The following PRKAG2 variants were observed in gnomAD, a reference collection of about 807,000 sequenced individuals.
The protein encoded by PRKAG2 is protein kinase AMP-activated non-catalytic subunit gamma 2, also known as 5'-AMP-activated protein kinase subunit gamma-2.
PRKAG2 carries 26 observed loss-of-function variants against 69.6 expected under a neutral mutation model. The ratio of observed to expected loss-of-function variants is 0.37; its 90% confidence interval spans 0.27 to 0.52. PRKAG2 has a LOEUF of 0.52. PRKAG2 is among the 20% of genes least tolerant of loss of function. PRKAG2 has a pLI of 0.90. For synonymous variants in PRKAG2, 293 were observed against 285.0 expected, an observed-to-expected ratio of 1.03 and a Z score of -0.28; for missense variants, 557 against 740.0, an observed-to-expected ratio of 0.75 and a Z score of 2.87.
intron 3 of PRKAG2, among the ~76,000 whole-genome samples, chr7:151,753,200 G>A (rs1174852409): frequency 6.6e-6 from 1 of 152,228 alleles, no homozygotes; most frequent in Non-Finnish European, 1.5e-5. Context: ...GAAACAAAAC[G>A]CGTGGCTGGA....
intron 3 of PRKAG2, among the ~76,000 whole-genome samples, chr7:151,681,612 C>A (rs1833901173): frequency 6.6e-6 from 1 of 151,704 alleles, no homozygotes; most frequent in Non-Finnish European, 1.5e-5. Flanking sequence ...ACGATGCCAC[C>A]CTGTTTACAG....
chr7:151,558,119 A>G, intron 15 of PRKAG2: 2 of 985,354 alleles, frequency 2.0e-6, no homozygotes, highest in Non-Finnish European at 2.4e-6. Flanking sequence ...CTGCCCACAC[A>G]CTGGATGCAC....
chr7:151,558,165 C>T (rs563898943), intron 15 of PRKAG2: 1 of 985,292 alleles, frequency 1.0e-6, no homozygotes. Flanking sequence ...CTAAGTTTGA[C>T]AATGAACTGT....
chr7:151,781,558 A>G lies in PRKAG2; in HGVS notation c.187-127T>C. 1.7e-6 allele frequency: 2 copies of G among 1,194,152 alleles called. No individual in the cohort carries two copies. The highest frequency in any genetic ancestry group is 2.4e-6 in the Non-Finnish European group (2 of 845,392). 74.0% of individuals were successfully genotyped at this position (1,194,152 alleles called of 1,614,324 possible). On this transcript the variant is annotated intron_variant, in intron 2 of 15. Transcript: ENST00000287878. The surrounding 1 kb of genome is among the most constrained non-coding windows in gnomAD (Gnocchi z 6.1). ...CCCCATAGTACCCTCCCAGAGAAACAGCCCTAAGCTCTTCCACAGAGGTAG... is the reference window on the plus strand; with the variant it reads ...CCCCATAGTACCCTCCCAGAGAAACGGCCCTAAGCTCTTCCACAGAGGTAG...
Position 151,574,961 on chromosome 7 carries a change from A to C in PRKAG2, c.947-12T>G. ...AATTGTTAGCATTCCTGGAACAAAG[A>C]ATTACATGTTACAAATAAAACCATG... is the stretch of plus-strand genomic sequence containing the variant. On this transcript the variant is annotated splice_polypyrimidine_tract_variant and intron_variant, in intron 7 of 15. Transcript: ENST00000287878. 6.2e-7 allele frequency: 1 copy of C among 1,612,416 alleles called. No homozygotes were observed. Among genetic ancestry groups the C allele is most frequent in the Non-Finnish European group, 8.5e-7 (1 of 1,179,532 alleles).
At chr7:151,817,131 C>T (rs1483485619) in intron 1 of PRKAG2, among the ~76,000 whole-genome samples, 2 of 152,200 alleles carry the variant, frequency 1.3e-5, no homozygotes, top group Non-Finnish European at 2.9e-5. Flanking sequence ...CCAGAACCTC[C>T]ACTGCACTCC....
chr7:151,843,873 G>A (rs1109277), intron 1 of PRKAG2, among the ~76,000 whole-genome samples: 1 of 152,142 alleles, frequency 6.6e-6, no homozygotes, highest in African/African-American at 2.4e-5. Context: ...TGTCATGGCA[G>A]AAGGCTCCAT....
At chr7:151,624,055 G>A (rs1822209266) in intron 5 of PRKAG2, among the ~76,000 whole-genome samples, 1 of 152,014 alleles carries the variant, frequency 6.6e-6, no homozygotes, top group Admixed American at 6.6e-5. Context: ...AAATGAATCA[G>A]TTAGCATGAT....
Position 151,731,536 on chromosome 7 carries a change from G to GTGTGTGTGCA in PRKAG2, c.466+49615_466+49616insTGCACACACA, listed in dbSNP as rs58614519. Among the ~76,000 whole-genome samples, 6 of 56,834 alleles carry GTGTGTGTGCA rather than the reference G, an allele frequency of 1.1e-4. No individual in the cohort carries two copies. In the East Asian group the frequency reaches 3.3e-3, roughly 31 times the overall value. 37.3% of individuals were successfully genotyped at this position (56,834 alleles called of 152,430 possible). A position where few individuals can be genotyped will look rare whatever the true frequency, so the allele number is the denominator to read the frequency against. ...TGGGGAGAGCTCTGTGTGTGTGTGT[G>GTGTGTGTGCA]CGCACAGGTACATGACATGTGTGTG... is the stretch of plus-strand genomic sequence containing the variant. On this transcript the variant is annotated intron_variant, in intron 3 of 15. Coordinates refer to ENST00000287878, the MANE Select transcript of PRKAG2 (RefSeq NM_016203.4).
intron 4 of PRKAG2, among the ~76,000 whole-genome samples, chr7:151,641,352 A>G (rs1364636320): frequency 9.0e-5 from 13 of 144,490 alleles, no homozygotes; most frequent in South Asian, 4.3e-4. Context: ...GGTTCAAGTG[A>G]TTCCCCTGCC....
Position 151,631,922 on chromosome 7 carries a change from G to A in PRKAG2, c.754+147C>T, listed in dbSNP as rs937553947. On this transcript the variant is annotated intron_variant, in intron 5 of 15. Transcript: ENST00000287878. ...TCGCCGGCGCCCGCATCCCCGCCCC[G>A]GTTCCCGCCCCGGCCCCTGGGCTTC... is the stretch of plus-strand genomic sequence containing the variant. 3.1e-5 allele frequency: 26 copies of A among 846,660 alleles called. 1 individual carries two copies. The highest frequency in any genetic ancestry group is 3.8e-5 in the Non-Finnish European group (24 of 639,672). 52.4% of individuals were successfully genotyped at this position (846,660 alleles called of 1,614,324 possible). A position where few individuals can be genotyped will look rare whatever the true frequency, so the allele number is the denominator to read the frequency against.
intron 5 of PRKAG2, among the ~76,000 whole-genome samples, chr7:151,631,451 A>G (rs1001968654): frequency 6.6e-6 from 1 of 152,094 alleles, no homozygotes; most frequent in Non-Finnish European, 1.5e-5. Context: ...CAGCCTCCAA[A>G]TAAGATCCAA....
intron 4 of PRKAG2, among the ~76,000 whole-genome samples, chr7:151,645,229 T>C (rs984645926): frequency 6.6e-6 from 1 of 152,226 alleles, no homozygotes; most frequent in African/African-American, 2.4e-5. Context: ...CATAAGACTG[T>C]GGCTTGTCTT....
intron 3 of PRKAG2, among the ~76,000 whole-genome samples, chr7:151,750,262 T>C (rs1489092190): frequency 1.3e-5 from 2 of 152,180 alleles, no homozygotes; most frequent in African/African-American, 4.8e-5. Flanking sequence ...GTCCTAGGTA[T>C]ATACCCAAGA....
chr7:151,762,387 A>G (rs1308556735), intron 3 of PRKAG2, among the ~76,000 whole-genome samples: 2 of 152,194 alleles, frequency 1.3e-5, no homozygotes, highest in African/African-American at 4.8e-5. Flanking sequence ...TAATTCTTAC[A>G]TATACGACGT....
intron 1 of PRKAG2, among the ~76,000 whole-genome samples, chr7:151,795,744 T>C (rs1037917016): frequency 1.3e-5 from 2 of 151,492 alleles, no homozygotes; most frequent in African/African-American, 4.9e-5. Flanking sequence ...TTCTGCTTCA[T>C]GATTGCAGCA....
intron 1 of PRKAG2, among the ~76,000 whole-genome samples, chr7:151,843,753 T>C (rs987788671): frequency 3.3e-5 from 5 of 152,212 alleles, no homozygotes; most frequent in Non-Finnish European, 5.9e-5. Context: ...ATCAGCTGAC[T>C]CAAAGCAGGA....
rs779333743 is a variant in PRKAG2 at position 151,699,457 on chromosome 7, C to T, written c.467-23820G>A. ...TTCACTGGGATTGAGATCATCTCGG[C>T]GACTTTATCATGAAGGCCAGCACAG... On this transcript the variant is annotated intron_variant, in intron 3 of 15. Coordinates refer to ENST00000287878, the MANE Select transcript of PRKAG2 (RefSeq NM_016203.4). This position sits in a 1 kb window ranked among gnomAD's most constrained non-coding sequence, Gnocchi z 4.5. 1.9e-4 allele frequency among the ~76,000 whole-genome samples: 29 copies of T among 152,294 alleles called. No individual in the cohort carries two copies. The highest frequency in any genetic ancestry group is 3.2e-4 in the Non-Finnish European group (22 of 68,028).
At chr7:151,603,791 T>C (rs552939410) in intron 5 of PRKAG2, among the ~76,000 whole-genome samples, 3 of 152,232 alleles carry the variant, frequency 2.0e-5, no homozygotes, top group African/African-American at 4.8e-5. Context: ...TCCTCCTTTA[T>C]GTACTGTAAT....
Sources: gnomAD v4.1 joint callset for allele counts (sites outside exome capture counted in the v4.1 genomes callset) on GRCh38, gnomAD v4.1.1 for gene constraint, Gnocchi (gnomAD v3.1) non-coding constraint, MANE v1.5 for transcripts, NCBI Gene and HGNC (gene_info 2026-07-23, HGNC 2026-07-21) for gene names.